Variants in MORC1 observed in about 807,000 individuals in gnomAD.
MORC1 encodes MORC family CW-type zinc finger protein 1.
A neutral mutation model predicts 134.9 loss-of-function variants in MORC1; 59 were observed. That is an observed-to-expected ratio of 0.44 (90% CI 0.35 to 0.54). The LOEUF (loss-of-function observed/expected upper bound fraction) is 0.54. MORC1 is among the 20% of genes least tolerant of loss of function. The pLI, the probability that MORC1 is intolerant of heterozygous loss-of-function variation, is 0.00. For synonymous variants in MORC1, 395 were observed against 391.7 expected (o/e 1.01, Z -0.10); for missense variants, 947 against 1,134.5 (o/e 0.83, Z 2.37).
intron 3 of MORC1, among the ~76,000 whole-genome samples, chr3:109,108,270 T>C (rs1028848222): frequency 6.6e-6 from 1 of 152,128 alleles, no homozygotes; most frequent in East Asian, 1.9e-4. Context: ...ACTGAGTACT[T>C]AGAGAAAGTA....
At chr3:109,065,812 T>C (rs1559931892) in intron 9 of MORC1, among the ~76,000 whole-genome samples, 1 of 152,120 alleles carries the variant, frequency 6.6e-6, no homozygotes, top group Non-Finnish European at 1.5e-5. Flanking sequence ...GTGGTACATA[T>C]ACACTATAGA....
At position 109,118,021 on chromosome 3, in the gene MORC1, C is replaced by A. The variant is rs765575079; in HGVS notation, c.39G>T (p.Leu13=). Residue 13 remains leucine (L), a synonymous_variant, in exon 1 of 28, where the codon CTG becomes CTT. Transcript: ENST00000232603. ...AGTTGGCGTGGATGAAATCCAGACGCAGCTGGGCCCGCTGAAGCGCAGGGT... is the reference window on the plus strand; with the variant it reads ...AGTTGGCGTGGATGAAATCCAGACGAAGCTGGGCCCGCTGAAGCGCAGGGT... ...DRYPALQRAQ[L]RLDFIHANST... The A allele has an allele frequency of 2.5e-6, 4 of 1,609,254 alleles. No homozygotes were observed.
At chr3:109,100,877 C>A (rs1950912893) in intron 4 of MORC1, among the ~76,000 whole-genome samples, 1 of 152,044 alleles carries the variant, frequency 6.6e-6, no homozygotes, top group African/African-American at 2.4e-5. Context: ...TATAAGGAAC[C>A]TGGAAAAGAT....
At chr3:108,977,486 G>A (rs927448037) in intron 24 of MORC1, among the ~76,000 whole-genome samples, 2 of 152,050 alleles carry the variant, frequency 1.3e-5, no homozygotes, top group African/African-American at 4.8e-5. Flanking sequence ...CAAAGTACTG[G>A]GATAATAGGC....
At chr3:109,044,426 C>A (rs1360478826) in intron 14 of MORC1, among the ~76,000 whole-genome samples, 1 of 151,726 alleles carries the variant, frequency 6.6e-6, no homozygotes, top group Non-Finnish European at 1.5e-5. Flanking sequence ...GGCATGGTGG[C>A]GGGCACCTGT....
At chr3:108,999,558 T>C (rs1326822824) in intron 21 of MORC1, among the ~76,000 whole-genome samples, 1 of 152,212 alleles carries the variant, frequency 6.6e-6, no homozygotes, top group Admixed American at 6.5e-5. Context: ...TCAGAAGAAA[T>C]GATATGTCTC....
At position 109,064,975 on chromosome 3, in the gene MORC1, C is replaced by A. The variant is rs565271268; in HGVS notation, c.816-1744G>T. Among the ~76,000 whole-genome samples the A allele has an allele frequency of 3.3e-5, 5 of 152,220 alleles. No individual in the cohort carries two copies. In the South Asian group the frequency reaches 6.2e-4, roughly 19 times the overall value. On this transcript the variant is annotated intron_variant, in intron 9 of 27. Coordinates refer to ENST00000232603, the MANE Select transcript of MORC1 (RefSeq NM_014429.4). ...AAAACTCAGAAGGCCTTCTGGACTC[C>A]TCATTTTCTCTCCACCCCATATCCA...
intron 8 of MORC1, among the ~76,000 whole-genome samples, chr3:109,079,158 A>G (rs1950479972): frequency 6.6e-6 from 1 of 152,066 alleles, no homozygotes; most frequent in Admixed American, 6.6e-5. Flanking sequence ...ATACTAAATA[A>G]GGAAATGATA....
intron 14 of MORC1, among the ~76,000 whole-genome samples, chr3:109,040,419 G>GA: frequency 6.2e-5 from 2 of 32,286 alleles, no homozygotes; most frequent in South Asian, 1.4e-3. Context: ...AAGGAAGGAA[G>GA]GAAGGAAGGA....
At chr3:109,046,339 A>G (rs1949697020) in intron 14 of MORC1, among the ~76,000 whole-genome samples, 2 of 152,228 alleles carry the variant, frequency 1.3e-5, no homozygotes, top group Admixed American at 6.5e-5. Flanking sequence ...TTCTTTCTTC[A>G]AGAAGAAATA....
chr3:109,042,542 A>G (rs1949577422), intron 14 of MORC1, among the ~76,000 whole-genome samples: 1 of 152,224 alleles, frequency 6.6e-6, no homozygotes, highest in South Asian at 2.1e-4. Context: ...AAAATTAAAA[A>G]TAGAACTACT....
intron 17 of MORC1, 69 bp downstream of exon 17, chr3:109,027,682 A>G: frequency 6.3e-7 from 1 of 1,581,812 alleles, no homozygotes; most frequent in Non-Finnish European, 8.7e-7. Flanking sequence ...CACTTTAGTC[A>G]ATTTGCACAT....
chr3:109,069,566 C>A (rs1218852580), intron 9 of MORC1, 66 bp downstream of exon 9: 2 of 1,439,438 alleles, frequency 1.4e-6, no homozygotes, highest in Non-Finnish European at 1.9e-6. Flanking sequence ...ACTTTGACAA[C>A]TTTGGGGAGC....
At chr3:109,059,755 G>A in intron 12 of MORC1, 51 bp downstream of exon 12, 1 of 1,519,842 alleles carries the variant, frequency 6.6e-7, no homozygotes, top group East Asian at 2.3e-5. Flanking sequence ...ACCAGAATTT[G>A]TTTTAACAGA....
At chr3:109,087,966 AG>A (rs1950647783) in intron 8 of MORC1, among the ~76,000 whole-genome samples, 1 of 152,132 alleles carries the variant, frequency 6.6e-6, no homozygotes, top group African/African-American at 2.4e-5. Context: ...GACAAAAAGA[AG>A]CAATGGGAAA....
chr3:109,060,342 T>C (rs990139816), intron 11 of MORC1, among the ~76,000 whole-genome samples: 1 of 151,868 alleles, frequency 6.6e-6, no homozygotes, highest in Admixed American at 6.6e-5. Flanking sequence ...TGGATACCTC[T>C]AATATTTCTC....
At chr3:109,064,535 T>C (rs1950155426) in intron 9 of MORC1, among the ~76,000 whole-genome samples, 2 of 152,066 alleles carry the variant, frequency 1.3e-5, no homozygotes, top group Non-Finnish European at 2.9e-5. Context: ...AAAACATTTG[T>C]TCAAAATACT....
chr3:108,964,521 T>C (rs774973778), intron 26 of MORC1, among the ~76,000 whole-genome samples: 1 of 152,194 alleles, frequency 6.6e-6, no homozygotes, highest in Non-Finnish European at 1.5e-5. Context: ...TTCTCTGACA[T>C]CCACATCATC....
intron 17 of MORC1, chr3:109,018,985 T>C (rs1300685036): frequency 6.6e-6 from 1 of 152,156 alleles, no homozygotes; most frequent in Admixed American, 6.5e-5. Context: ...GAACGGCCAG[T>C]TGCAGTGAAG....
Sources: gnomAD v4.1 joint callset for allele counts (sites outside exome capture counted in the v4.1 genomes callset) on GRCh38, gnomAD v4.1.1 for gene constraint, MANE v1.5 for transcripts, NCBI Gene and HGNC (gene_info 2026-07-23, HGNC 2026-07-21) for gene names.